Variants in KDR observed in about 807,000 individuals in gnomAD.
The protein encoded by KDR is vascular endothelial growth factor receptor 2.
Under a neutral mutation model 160.9 loss-of-function variants are expected in KDR, and 43 were observed. The ratio of observed to expected loss-of-function variants is 0.27; its 90% CI spans 0.21 to 0.34. The LOEUF (loss-of-function observed/expected upper bound fraction) is 0.34. KDR is among the 10% of genes least tolerant of loss of function. The pLI is 1.00. For synonymous variants in KDR, 617 were observed against 600.1 expected (o/e 1.03, Z -0.41); for missense variants, 1,469 against 1,666.4 (o/e 0.88, Z 2.06).
chr4:55,096,189 T>A, intron 19 of KDR, 40 bp downstream of exon 19: 1 of 1,072,726 alleles, frequency 9.3e-7, no homozygotes, highest in Non-Finnish European at 1.4e-6. Context: ...CAGAGAGGCA[T>A]GTTAAAATTG....
Position 55,107,958 on chromosome 4 carries a change from T to A in KDR, c.1256-65A>T. 1.9e-6 allele frequency: 3 copies of A among 1,571,750 alleles called. No individual in the cohort carries two copies. In the East Asian group the frequency reaches 6.7e-5, roughly 35 times the overall value. The stretch of plus-strand genomic sequence containing the variant: ...TTTGAAGAATGGGAAATAGAGGATT[T>A]TAGCAACTAAAGCTGACTTTCTTTA... On this transcript the variant is annotated intron_variant, in intron 9 of 29. Transcript: ENST00000263923.
chr4:55,120,221 A>C (rs1474572208), intron 2 of KDR, among the ~76,000 whole-genome samples: 3 of 152,168 alleles, frequency 2.0e-5, no homozygotes, highest in African/African-American at 7.2e-5. Flanking sequence ...TTCAACAAGT[A>C]TGAAGCAATG....
At chr4:55,107,984 A>G (rs942520190) in intron 9 of KDR, 91 bp from the exon 10 acceptor site, 4 of 1,453,174 alleles carry the variant, frequency 2.8e-6, no homozygotes, top group Non-Finnish European at 3.9e-6. Flanking sequence ...ACTTTCTTTA[A>G]GCATATGATT....
chr4:55,085,181 TA>T (rs1719831823), intron 27 of KDR, among the ~76,000 whole-genome samples: 1 of 152,072 alleles, frequency 6.6e-6, no homozygotes, highest in Non-Finnish European at 1.5e-5. Flanking sequence ...GCCCAGCAAG[TA>T]TGTGTTTTCT....
At chr4:55,082,079 C>T (rs1225861921) in intron 28 of KDR, 38 bp from the exon 29 acceptor site, 1 of 1,343,684 alleles carries the variant, frequency 7.4e-7, no homozygotes, top group East Asian at 2.3e-5. Flanking sequence ...GTTAATTGAG[C>T]ATATAAAATG....
At chr4:55,120,235 A>G (rs1457837599) in intron 2 of KDR, among the ~76,000 whole-genome samples, 4 of 152,186 alleles carry the variant, frequency 2.6e-5, no homozygotes, top group African/African-American at 9.7e-5. Context: ...AGCAATGGCA[A>G]TAACCTACCC....
intron 28 of KDR, among the ~76,000 whole-genome samples, chr4:55,082,296 T>A (rs1057041528): frequency 5.3e-5 from 8 of 152,240 alleles, no homozygotes; most frequent in African/African-American, 1.9e-4. Flanking sequence ...CTGTCTTCAC[T>A]ATGACACTAC....
chr4:55,111,387 T>C (rs1265772169), intron 7 of KDR, among the ~76,000 whole-genome samples: 2 of 152,214 alleles, frequency 1.3e-5, no homozygotes, highest in Admixed American at 1.3e-4. Flanking sequence ...CATCATTTAC[T>C]CAGTTGCTCA....
In KDR at chr4:55,096,360, A is replaced by G; in HGVS notation, c.2615-18T>C. On this transcript the variant is annotated intron_variant, in intron 18 of 29. Transcript: ENST00000263923. ...TGCTCCTTCTACAAATACAGTACAA[A>G]GAGGGAAATCATAGGTATGGACATT... The G allele has an allele frequency of 1.3e-6, 2 of 1,561,214 alleles. No homozygotes were observed. Among genetic ancestry groups the G allele is most frequent in the Non-Finnish European group, 1.8e-6 (2 of 1,134,612 alleles).
rs762032018 is a variant in KDR, at chr4:55,121,092, C to T, written c.161+5G>A. ...AAGAAATCTAGATCTAGAATGAATC[C>T]TTACCTGCAAGTAATTTGAAGAGTT... On this transcript the variant is annotated splice_donor_5th_base_variant and intron_variant, in intron 2 of 29. Transcript: ENST00000263923. 1 of 1,587,458 alleles carries T rather than the reference C, an allele frequency of 6.3e-7. No homozygotes were observed. Among genetic ancestry groups the T allele is most frequent in the Non-Finnish European group, 8.6e-7 (1 of 1,156,152 alleles).
In KDR at chr4:55,095,588, C is replaced by A. The variant is rs1560515937; in HGVS notation, c.2806G>T (p.Val936Phe). Reference protein sequence around the residue: ...TYLRSKRNEFVPYKTKGARFR... With the variant: ...TYLRSKRNEFFPYKTKGARFR... Reference sequence around the variant, plus strand: ...AGGAGATGACATACCTTGTAGGGGACAAATTCATTTCTCTTGCTCCTCAGG... The same window carrying A: ...AGGAGATGACATACCTTGTAGGGGAAAAATTCATTTCTCTTGCTCCTCAGG... The change falls in exon 20 of 30, where the codon GTC (valine) becomes TTC (phenylalanine). Residue 936 changes from valine to phenylalanine, a missense_variant. By Grantham distance (50) the Val-to-Phe change is conservative. Coordinates refer to ENST00000263923, the MANE Select transcript of KDR (RefSeq NM_002253.4). 10 of 1,611,056 alleles carry A rather than the reference C, an allele frequency of 6.2e-6. No homozygotes were observed. Among genetic ancestry groups the A allele is most frequent in the East Asian group, 2.2e-5 (1 of 44,852 alleles).
intron 2 of KDR, among the ~76,000 whole-genome samples, chr4:55,120,363 A>T (rs59742108): frequency 0.036 from 5,488 of 152,200 alleles, 343 homozygotes; most frequent in African/African-American, 0.12. Flanking sequence ...GTGTGTGATC[A>T]CTATGTTAAA....
At chr4:55,099,818 A>G (rs1720264696) in intron 15 of KDR, among the ~76,000 whole-genome samples, 1 of 152,166 alleles carries the variant, frequency 6.6e-6, no homozygotes, top group Non-Finnish European at 1.5e-5. Flanking sequence ...TCCAACATGA[A>G]CTAACCATTA....
At chr4:55,086,460 A>G (rs1719865060) in intron 27 of KDR, among the ~76,000 whole-genome samples, 1 of 152,180 alleles carries the variant, frequency 6.6e-6, no homozygotes, top group Non-Finnish European at 1.5e-5. Context: ...CCTGATCTTT[A>G]ACTACAAGTT....
At chr4:55,096,643 C>CA in intron 18 of KDR, 1 of 415,106 alleles carries the variant, frequency 2.4e-6, no homozygotes, top group South Asian at 2.6e-5. Flanking sequence ...TCTTCTTCTG[C>CA]AAAACTGGAT....
At chr4:55,106,987 G>A (rs1403095671) in intron 10 of KDR, among the ~76,000 whole-genome samples, 177 bp from the exon 11 acceptor site, 1 of 152,218 alleles carries the variant, frequency 6.6e-6, no homozygotes, top group Non-Finnish European at 1.5e-5. Context: ...GAAGGAAAAG[G>A]TTCTAGGTAG....
chr4:55,110,468 G>A lies in KDR; in HGVS notation c.1190C>T (p.Thr397Ile), dbSNP rs1720549189. 6.2e-7 allele frequency: 1 copy of A among 1,614,036 alleles called. No homozygotes were observed. The highest frequency in any genetic ancestry group is 8.5e-7 in the Non-Finnish European group (1 of 1,179,946). ...TGAAATGGGATTGGTAAGGATGACA[G>A]TGTAATTTCCTGTGTCTCTTTCACT... is the stretch of plus-strand genomic sequence containing the variant. ...EVSERDTGNY[T>I]VILTNPISKE... Residue 397 changes from threonine (T) to isoleucine (I), a missense_variant, in exon 9 of 30, where the codon ACT becomes ATT. Physicochemically the swap from Thr to Ile is moderately conservative, Grantham distance 89. This residue lies in a region of KDR where 792 missense variants were observed against 840.9 expected (regional missense o/e 0.94). Transcript: ENST00000263923.
chr4:55,079,981 T>A lies in KDR; in HGVS notation c.4031A>T (p.Gln1344Leu). ...GCTCAGTGTGGTCCCCGAGTCAGGC[T>A]GGAGAATCTGGGCTGTGCTACCGGT... ...VQTGSTAQIL[Q>L]PDSGTTLSSP... The change falls in exon 30 of 30, where the codon CAG becomes CTG. Residue 1344 changes from glutamine (Q) to leucine (L), a missense_variant. Transcript: ENST00000263923. 1 of 1,614,212 alleles carries A rather than the reference T, an allele frequency of 6.2e-7. No individual in the cohort carries two copies. Among genetic ancestry groups the A allele is most frequent in the Non-Finnish European group, 8.5e-7 (1 of 1,180,034 alleles).
intron 7 of KDR, among the ~76,000 whole-genome samples, chr4:55,111,656 C>T (rs994875089): frequency 2.6e-5 from 4 of 152,334 alleles, no homozygotes; most frequent in Admixed American, 1.3e-4. Context: ...TCTATAAAAA[C>T]ATAAGCCAGA....
Sources: allele counts gnomAD v4.1 joint callset (sites outside exome capture counted in the v4.1 genomes callset), GRCh38; gene constraint gnomAD v4.1.1; regional missense constraint gnomAD v4.1.1; transcripts MANE v1.5; gene names NCBI Gene and HGNC (gene_info 2026-07-23, HGNC 2026-07-21).